Variants in KCNQ1OT1 observed in about 807,000 individuals in gnomAD.
KCNQ1OT1 encodes the protein KCNQ1 opposite strand/antisense transcript 1, also known as KCNQ1 antisense RNA 2 (non-protein coding).
chr11:2,676,737 G>A lies in KCNQ1OT1; in HGVS notation n.23258C>T, dbSNP rs1850301920. 2.5e-6 allele frequency: 1 copy of A among 398,606 alleles called. No individual in the cohort carries two copies. Among genetic ancestry groups the A allele is most frequent in the South Asian group, 1.3e-4 (1 of 7,852 alleles). The allele number at this position is 398,606 out of a possible 1,614,324, so 24.7% of individuals were successfully genotyped here. A position where few individuals can be genotyped will look rare whatever the true frequency, so the allele number is the denominator to read the frequency against. On this transcript the variant is annotated non_coding_transcript_exon_variant, in exon 1 of 1. Transcript: ENST00000597346. The surrounding 1 kb of genome is among the most constrained non-coding windows in gnomAD (Gnocchi z 4.2). Reference sequence around the variant, plus strand: ...CCAAGTCATATGCATAGTGGCTTTGGGTACGATGGTCTGCTGTATGAAGCA... The same window carrying A: ...CCAAGTCATATGCATAGTGGCTTTGAGTACGATGGTCTGCTGTATGAAGCA...
rs778879438 is a variant in KCNQ1OT1, at chr11:2,695,186, C to T, written n.4809G>A. 4.8e-5 allele frequency: 19 copies of T among 398,514 alleles called. No individual in the cohort carries two copies. The highest frequency in any genetic ancestry group is 2.3e-4 in the African/African-American group (11 of 48,618). The allele number at this position is 398,514 out of a possible 1,614,324, so 24.7% of individuals were successfully genotyped here. The stretch of plus-strand genomic sequence containing the variant: ...GCACAGAGTTGATCACAGCCCTCAG[C>T]CTATGAAACACTGTCACCCTGTAAG... On this transcript the variant is annotated non_coding_transcript_exon_variant, in exon 1 of 1. Coordinates refer to ENST00000597346, the Ensembl canonical transcript of KCNQ1OT1. The surrounding 1 kb of genome is among the most constrained non-coding windows in gnomAD (Gnocchi z 5.2).
chr11:2,650,452 G>T, exon 1 of KCNQ1OT1: 1 of 398,546 alleles, frequency 2.5e-6, no homozygotes. Context: ...ATTTGGGTAG[G>T]GTGCTTTGGC....
chr11:2,675,280 C>A (rs1186295579), exon 1 of KCNQ1OT1: 10 of 398,400 alleles, frequency 2.5e-5, no homozygotes. Context: ...CTCACCTCTC[C>A]CAAAAGCAGA....
chr11:2,658,799 C>G lies in KCNQ1OT1; in HGVS notation n.41196G>C, dbSNP rs1849898202. 2.5e-6 allele frequency: 1 copy of G among 398,436 alleles called. No individual in the cohort carries two copies. The highest frequency in any genetic ancestry group is 4.4e-6 in the Non-Finnish European group (1 of 226,076). The allele number at this position is 398,436 out of a possible 1,614,324, so 24.7% of individuals were successfully genotyped here. On this transcript the variant is annotated non_coding_transcript_exon_variant, in exon 1 of 1. Transcript: ENST00000597346. This position sits in a 1 kb window ranked among gnomAD's most constrained non-coding sequence, Gnocchi z 4.9. The stretch of plus-strand genomic sequence containing the variant: ...TCTGACCAGAGTTCATCCTTGCCCC[C>G]TCCCCCACAACTTATTTATAGCTTT...
At chr11:2,680,590 C>T in exon 1 of KCNQ1OT1, 1 of 398,410 alleles carries the variant, frequency 2.5e-6, no homozygotes, top group Non-Finnish European at 4.4e-6. Context: ...ACCTAGTCTC[C>T]CCCGATAGTA....
chr11:2,655,373 G>GACCTA (rs1480271749), exon 1 of KCNQ1OT1: 4 of 398,556 alleles, frequency 1.0e-5, no homozygotes, highest in African/African-American at 2.1e-5. Context: ...ACTGTCTTAG[G>GACCTA]AAAGTGTGAC....
Position 2,658,222 on chromosome 11 carries a change from T to G in KCNQ1OT1, n.41773A>C, listed in dbSNP as rs1326017699. ...ACTAATTTCAGCATTCATTCATGGA[T>G]CGTTTTCCTGCAGCAAATATTACCG... On this transcript the variant is annotated non_coding_transcript_exon_variant, in exon 1 of 1. Transcript: ENST00000597346. The surrounding 1 kb of genome is among the most constrained non-coding windows in gnomAD (Gnocchi z 4.9). 5.0e-6 allele frequency: 2 copies of G among 398,486 alleles called. No homozygotes were observed. Among genetic ancestry groups the G allele is most frequent in the Non-Finnish European group, 4.4e-6 (1 of 226,064 alleles). The allele number at this position is 398,486 out of a possible 1,614,324, so 24.7% of individuals were successfully genotyped here.
chr11:2,646,490 T>G (rs1849668210), exon 1 of KCNQ1OT1: 1 of 398,548 alleles, frequency 2.5e-6, no homozygotes, highest in Non-Finnish European at 4.4e-6. Flanking sequence ...CTCTTTTGGC[T>G]AATTTGCTGT....
chr11:2,689,305 C>T (rs1850549130), exon 1 of KCNQ1OT1: 1 of 398,564 alleles, frequency 2.5e-6, no homozygotes, highest in Non-Finnish European at 4.4e-6. Context: ...CCCTAAGACT[C>T]AATGCCACCT....
rs924144948 is a variant in KCNQ1OT1, at chr11:2,620,599, A to C, written n.79396T>G. 3.3e-5 allele frequency: 13 copies of C among 397,600 alleles called. No homozygotes were observed. The Admixed American group carries it at 4.8e-4, about 15-fold the overall frequency. 24.6% of individuals were successfully genotyped at this position (397,600 alleles called of 1,614,324 possible). On this transcript the variant is annotated non_coding_transcript_exon_variant, in exon 1 of 1. Coordinates refer to ENST00000597346, the Ensembl canonical transcript of KCNQ1OT1. The surrounding 1 kb of genome is among the most constrained non-coding windows in gnomAD (Gnocchi z 4.5). ...TTTATCCAATCCACCACTGATGGGC[A>C]TCTAAGTGGATTCCATGTCTTTGCT... is the stretch of plus-strand genomic sequence containing the variant.
At position 2,657,170 on chromosome 11, in the gene KCNQ1OT1, T is replaced by A. The variant is rs570340429; in HGVS notation, n.42825A>T. The A allele has an allele frequency of 1.0e-5, 4 of 398,666 alleles. No homozygotes were observed. The South Asian group carries it at 5.1e-4, about 51-fold the overall frequency. The allele number at this position is 398,666 out of a possible 1,614,324, so 24.7% of individuals were successfully genotyped here. A position where few individuals can be genotyped will look rare whatever the true frequency, so the allele number is the denominator to read the frequency against. ...TTTGGTACAGCAAGTTCTCCCACCT[T>A]GTTCTTCTTCAAGAATATTGCCAAT... On this transcript the variant is annotated non_coding_transcript_exon_variant, in exon 1 of 1. Coordinates refer to ENST00000597346, the Ensembl canonical transcript of KCNQ1OT1. The surrounding 1 kb of genome is among the most constrained non-coding windows in gnomAD (Gnocchi z 4.8).
In KCNQ1OT1 at chr11:2,663,864, C is replaced by A. The variant is rs188667931; in HGVS notation, n.36131G>T. 2 of 398,546 alleles carry A rather than the reference C, an allele frequency of 5.0e-6. No homozygotes were observed. Among genetic ancestry groups the A allele is most frequent in the African/African-American group, 2.1e-5 (1 of 48,620 alleles). 24.7% of individuals were successfully genotyped at this position (398,546 alleles called of 1,614,324 possible). ...CCAAGCTCCCTGGAGCCAGAGGTTA[C>A]CCACCTGCCCAAGGGTGACCCCAAG... On this transcript the variant is annotated non_coding_transcript_exon_variant, in exon 1 of 1. Transcript: ENST00000597346. The surrounding 1 kb of genome is among the most constrained non-coding windows in gnomAD (Gnocchi z 5.2).
Position 2,668,747 on chromosome 11 carries a change from G to C in KCNQ1OT1, n.31248C>G. The C allele has an allele frequency of 2.5e-6, 1 of 398,574 alleles. No homozygotes were observed. Among genetic ancestry groups the C allele is most frequent in the East Asian group, 3.6e-5 (1 of 28,080 alleles). The allele number at this position is 398,574 out of a possible 1,614,324, so 24.7% of individuals were successfully genotyped here. The stretch of plus-strand genomic sequence containing the variant: ...TGCAAATATCGCCTCCCCCTCTGCA[G>C]GCTGCCTTCTTCCTCTCTTGATGGT... On this transcript the variant is annotated non_coding_transcript_exon_variant, in exon 1 of 1. Transcript: ENST00000597346. The surrounding 1 kb of genome is among the most constrained non-coding windows in gnomAD (Gnocchi z 4.3).
In KCNQ1OT1 at chr11:2,687,542, C is replaced by T; in HGVS notation, n.12453G>A. The T allele has an allele frequency of 2.5e-6, 1 of 398,716 alleles. No homozygotes were observed. The highest frequency in any genetic ancestry group is 4.4e-6 in the Non-Finnish European group (1 of 226,144). The allele number at this position is 398,716 out of a possible 1,614,324, so 24.7% of individuals were successfully genotyped here. ...CCTCTGTATGGTCCCTTCCCTGGTG[C>T]ACCTACCACAGCCCACTCTGATGAC... On this transcript the variant is annotated non_coding_transcript_exon_variant, in exon 1 of 1. Coordinates refer to ENST00000597346, the Ensembl canonical transcript of KCNQ1OT1. The surrounding 1 kb of genome is among the most constrained non-coding windows in gnomAD (Gnocchi z 5.0).
Position 2,687,701 on chromosome 11 carries a change from G to C in KCNQ1OT1, n.12294C>G. On this transcript the variant is annotated non_coding_transcript_exon_variant, in exon 1 of 1. Coordinates refer to ENST00000597346, the Ensembl canonical transcript of KCNQ1OT1. This position sits in a 1 kb window ranked among gnomAD's most constrained non-coding sequence, Gnocchi z 5.0. The stretch of plus-strand genomic sequence containing the variant: ...GAGCTCAGGGTTCAGTGTTGGAATG[G>C]GTCTGGGCCCAGATTTCAAGCCAGT... 1 of 398,756 alleles carries C rather than the reference G, an allele frequency of 2.5e-6. No individual in the cohort carries two copies. The highest frequency in any genetic ancestry group is 1.3e-4 in the South Asian group (1 of 7,864). 24.7% of individuals were successfully genotyped at this position (398,756 alleles called of 1,614,324 possible). A position where few individuals can be genotyped will look rare whatever the true frequency, so the allele number is the denominator to read the frequency against.
Position 2,690,716 on chromosome 11 carries a change from A to T in KCNQ1OT1, n.9279T>A, listed in dbSNP as rs1850574406. On this transcript the variant is annotated non_coding_transcript_exon_variant, in exon 1 of 1. Coordinates refer to ENST00000597346, the Ensembl canonical transcript of KCNQ1OT1. The surrounding 1 kb of genome is among the most constrained non-coding windows in gnomAD (Gnocchi z 5.1). ...AGAATTCCTGAGGGCTTTCCATTTG[A>T]TCCCAGTGGTTGAAGATGGAGTATG... 5 of 398,518 alleles carry T rather than the reference A, an allele frequency of 1.3e-5. No individual in the cohort carries two copies. The Admixed American group carries it at 2.2e-4, about 18-fold the overall frequency. The allele number at this position is 398,518 out of a possible 1,614,324, so 24.7% of individuals were successfully genotyped here.
At chr11:2,639,211 A>C (rs1383221429) in exon 1 of KCNQ1OT1, 1 of 151,880 alleles carries the variant, frequency 6.6e-6, no homozygotes, top group East Asian at 1.9e-4. Flanking sequence ...TCCTCTCTCA[A>C]CTTGTCAAAG....
At chr11:2,649,794 A>G (rs1048436816) in exon 1 of KCNQ1OT1, 5 of 398,286 alleles carry the variant, frequency 1.3e-5, no homozygotes, top group African/African-American at 1.0e-4. Flanking sequence ...GGTTGAATCT[A>G]TTTAGGGATT....
In KCNQ1OT1 at chr11:2,676,665, G is replaced by A. The variant is rs1444776945; in HGVS notation, n.23330C>T. 3 of 398,554 alleles carry A rather than the reference G, an allele frequency of 7.5e-6. No individual in the cohort carries two copies. Among genetic ancestry groups the A allele is most frequent in the African/African-American group, 2.1e-5 (1 of 48,634 alleles). The allele number at this position is 398,554 out of a possible 1,614,324, so 24.7% of individuals were successfully genotyped here. A position where few individuals can be genotyped will look rare whatever the true frequency, so the allele number is the denominator to read the frequency against. On this transcript the variant is annotated non_coding_transcript_exon_variant, in exon 1 of 1. Coordinates refer to ENST00000597346, the Ensembl canonical transcript of KCNQ1OT1. The surrounding 1 kb of genome is among the most constrained non-coding windows in gnomAD (Gnocchi z 4.2). ...GATAGATAGTTCATTAAGGTCTTGA[G>A]TATTTCCAAGGGAGCACTAACTGGA...
Sources: allele counts gnomAD v4.1 joint callset, GRCh38; gene constraint gnomAD v4.1.1; non-coding constraint Gnocchi (gnomAD v3.1); transcripts MANE v1.5; gene names NCBI Gene and HGNC (gene_info 2026-07-23, HGNC 2026-07-21).